The following TAFA5 variants were observed in gnomAD, a reference collection of about 807,000 sequenced individuals.
TAFA5 encodes the protein TAFA chemokine like family member 5.
Under a neutral mutation model 15.3 loss-of-function variants are expected in TAFA5, and 6 were observed. The ratio of observed to expected loss-of-function variants is 0.39; its 90% CI spans 0.21 to 0.77. TAFA5 has a LOEUF of 0.77. TAFA5 is among the 30% of genes least tolerant of loss of function. The pLI, the probability that TAFA5 is intolerant of heterozygous loss-of-function variation, is 0.41. For missense variants in TAFA5, 161 were observed against 193.1 expected (o/e 0.83, Z 0.98); for synonymous variants, 103 against 80.7 (o/e 1.28, Z -1.48).
At chr22:48,674,952 T>C (rs1228957801) in intron 2 of TAFA5, among the ~76,000 whole-genome samples, 2 of 151,996 alleles carry the variant, frequency 1.3e-5, no homozygotes, top group African/African-American at 2.4e-5. Context: ...AGTTTTTTTT[T>C]TTTTTTGAGA....
chr22:48,617,014 G>T (rs989473259), intron 1 of TAFA5, among the ~76,000 whole-genome samples: 6 of 152,230 alleles, frequency 3.9e-5, no homozygotes, highest in Admixed American at 1.3e-4. Context: ...TGGGAGCGTG[G>T]ATACCTGTGG....
At chr22:48,659,705 G>T (rs568607464) in intron 2 of TAFA5, among the ~76,000 whole-genome samples, 1 of 152,338 alleles carries the variant, frequency 6.6e-6, no homozygotes, top group African/African-American at 2.4e-5. Flanking sequence ...GGTGGCAGCA[G>T]GGGCCGGTGC....
chr22:48,655,122 T>C (rs1337486643), intron 2 of TAFA5, among the ~76,000 whole-genome samples: 1 of 152,142 alleles, frequency 6.6e-6, no homozygotes, highest in East Asian at 1.9e-4. Flanking sequence ...TCATCCAGGA[T>C]GCCCCAGGGT....
rs529367435 is a variant in TAFA5, at chr22:48,535,794, G to A, written c.112+46090G>A. On this transcript the variant is annotated intron_variant, in intron 1 of 3. Transcript: ENST00000402357. ...GAGCACTCATGCGTGTGTGCACACA[G>A]GCTGTGTGGGTATATGCATATGTGT... is the stretch of plus-strand genomic sequence containing the variant. Among the ~76,000 whole-genome samples the A allele has an allele frequency of 2.3e-4, 33 of 145,046 alleles. 1 individual carries two copies. In the East Asian group the frequency reaches 5.8e-3, roughly 26 times the overall value.
At chr22:48,703,337 T>G (rs1020217816) in intron 2 of TAFA5, among the ~76,000 whole-genome samples, 1 of 152,066 alleles carries the variant, frequency 6.6e-6, no homozygotes, top group East Asian at 1.9e-4. Flanking sequence ...CCGTCCTTCC[T>G]TCTTCTCCTT....
chr22:48,732,441 A>G (rs577679473), intron 3 of TAFA5, among the ~76,000 whole-genome samples: 1 of 152,018 alleles, frequency 6.6e-6, no homozygotes, highest in East Asian at 1.9e-4. Flanking sequence ...TATTTTTAGT[A>G]GAGACGGGGT....
chr22:48,738,340 AC>A (rs1930089135), intron 3 of TAFA5, among the ~76,000 whole-genome samples: 1 of 152,112 alleles, frequency 6.6e-6, no homozygotes, highest in South Asian at 2.1e-4. Context: ...ATGTCACCAA[AC>A]CCACATGGGG....
intron 1 of TAFA5, among the ~76,000 whole-genome samples, chr22:48,536,801 G>T (rs977116687): frequency 6.6e-6 from 1 of 152,228 alleles, no homozygotes; most frequent in Non-Finnish European, 1.5e-5. Context: ...CTCCAGGAGG[G>T]TTTACGCTGG....
intron 1 of TAFA5, among the ~76,000 whole-genome samples, chr22:48,629,428 C>T (rs1479180763): frequency 6.6e-6 from 1 of 152,246 alleles, no homozygotes; most frequent in South Asian, 2.1e-4. Flanking sequence ...GGCCCCCCTC[C>T]GGATGCCCCA....
chr22:48,549,942 G>A (rs575675254), intron 1 of TAFA5, among the ~76,000 whole-genome samples: 11 of 152,346 alleles, frequency 7.2e-5, no homozygotes, highest in East Asian at 1.9e-4. Context: ...TGCACCAGGC[G>A]AGGTCCGAAT....
chr22:48,645,675 G>A (rs183142906), intron 1 of TAFA5, among the ~76,000 whole-genome samples: 133 of 152,242 alleles, frequency 8.7e-4, no homozygotes, highest in Middle Eastern at 3.4e-3. Context: ...GATGCAGGGT[G>A]CTCCTGTGGG....
intron 1 of TAFA5, among the ~76,000 whole-genome samples, chr22:48,590,028 G>A (rs537258104): frequency 5.9e-5 from 9 of 151,332 alleles, no homozygotes; most frequent in Non-Finnish European, 3.0e-5. Flanking sequence ...GCACATGCAC[G>A]CGTGCTTGGG....
chr22:48,710,558 C>A (rs1478175089), intron 3 of TAFA5, among the ~76,000 whole-genome samples: 1 of 152,228 alleles, frequency 6.6e-6, no homozygotes, highest in Non-Finnish European at 1.5e-5. Flanking sequence ...CCTGCCGCGT[C>A]CGTCCAGGTC....
chr22:48,622,610 G>A (rs764517680), intron 1 of TAFA5, among the ~76,000 whole-genome samples: 5 of 152,228 alleles, frequency 3.3e-5, no homozygotes, highest in Non-Finnish European at 4.4e-5. Flanking sequence ...AAGAGGGCTC[G>A]GAGGAGCCTG....
At chr22:48,746,678 G>T (rs1352014248) in intron 3 of TAFA5, among the ~76,000 whole-genome samples, 1 of 152,212 alleles carries the variant, frequency 6.6e-6, no homozygotes, top group African/African-American at 2.4e-5. Context: ...CCCGGGAGGT[G>T]TGCCCCGCCC....
At chr22:48,610,725 G>C (rs1925373343) in intron 1 of TAFA5, among the ~76,000 whole-genome samples, 1 of 152,194 alleles carries the variant, frequency 6.6e-6, no homozygotes, top group Admixed American at 6.5e-5. Flanking sequence ...TGTGTGTGTT[G>C]ACTCCGCCTT....
chr22:48,642,817 G>A (rs1172022574), intron 1 of TAFA5, among the ~76,000 whole-genome samples: 2 of 152,082 alleles, frequency 1.3e-5, no homozygotes, highest in Non-Finnish European at 2.9e-5. Context: ...GTGTGCACGT[G>A]TGTGGTGTGT....
At chr22:48,608,343 T>C (rs1415118978) in intron 1 of TAFA5, among the ~76,000 whole-genome samples, 1 of 152,168 alleles carries the variant, frequency 6.6e-6, no homozygotes, top group Non-Finnish European at 1.5e-5. Context: ...AGTCCTTTTT[T>C]CTCTGAACAT....
intron 1 of TAFA5, among the ~76,000 whole-genome samples, chr22:48,603,988 C>T (rs1377852158): frequency 6.6e-6 from 1 of 152,150 alleles, no homozygotes; most frequent in Non-Finnish European, 1.5e-5. Flanking sequence ...CCTTGTGGGC[C>T]CCGATGACAC....
Sources: gnomAD v4.1 joint callset for allele counts (sites outside exome capture counted in the v4.1 genomes callset) on GRCh38, gnomAD v4.1.1 for gene constraint, MANE v1.5 for transcripts, NCBI Gene and HGNC (gene_info 2026-07-23, HGNC 2026-07-21) for gene names.